The following CPQ variants were observed in gnomAD, a reference collection of about 807,000 sequenced individuals.
The protein encoded by CPQ is Ser-Met dipeptidase.
CPQ carries 37 observed loss-of-function variants against 45.7 expected under a neutral mutation model. That is an observed-to-expected ratio of 0.81 (90% confidence interval 0.62 to 1.07). The LOEUF (loss-of-function observed/expected upper bound fraction) is 1.07, where lower values mean the gene tolerates loss of function less well. Ranked by LOEUF, CPQ falls within the 50% of genes least tolerant of loss-of-function variation. The probability of loss-of-function intolerance (pLI) is 0.00; values close to 1 mark genes in which losing one functional copy is unlikely to be tolerated. For missense variants in CPQ, 537 were observed against 572.9 expected (o/e 0.94, Z 0.64); for synonymous variants, 186 against 205.8 (o/e 0.90, Z 0.82).
intron 3 of CPQ, among the ~76,000 whole-genome samples, chr8:96,852,238 T>C (rs898943835): frequency 1.2e-4 from 18 of 152,192 alleles, no homozygotes; most frequent in Non-Finnish European, 1.8e-4. Context: ...AAAAAGTGCA[T>C]TGGTCATGCT....
intron 5 of CPQ, among the ~76,000 whole-genome samples, chr8:96,987,881 T>G (rs1809018373): frequency 6.6e-6 from 1 of 152,216 alleles, no homozygotes; most frequent in African/African-American, 2.4e-5. Context: ...TTCATAATTC[T>G]CCAAGTACTA....
chr8:96,705,608 T>C (rs1809522058), intron 1 of CPQ, among the ~76,000 whole-genome samples: 1 of 152,114 alleles, frequency 6.6e-6, no homozygotes, highest in Non-Finnish European at 1.5e-5. Flanking sequence ...TGCTAAAAGT[T>C]ATTTCCAGAA....
chr8:96,861,930 ACAACT>A lies in CPQ; in HGVS notation c.642-17865_642-17861del, dbSNP rs1399643716. On this transcript the variant is annotated intron_variant, in intron 3 of 7. Transcript: ENST00000220763. ...ATACAGGTAGAGGGAGAAAGCACAA[ACAACT>A]CAGAGAAACTTTCTTGAAGGAGATA... Among the ~76,000 whole-genome samples, 2 of 152,218 alleles carry A rather than the reference ACAACT, an allele frequency of 1.3e-5. 1 individual carries two copies. Among genetic ancestry groups the A allele is most frequent in the East Asian group, 3.9e-4 (2 of 5,164 alleles).
chr8:96,738,705 G>T (rs1810031756), intron 1 of CPQ, among the ~76,000 whole-genome samples: 1 of 152,126 alleles, frequency 6.6e-6, no homozygotes, highest in Admixed American at 6.5e-5. Context: ...GTGAGAATAT[G>T]CAGTGTTTGG....
chr8:96,883,195 G>A (rs559563989), intron 4 of CPQ, among the ~76,000 whole-genome samples: 1 of 152,128 alleles, frequency 6.6e-6, no homozygotes, highest in Non-Finnish European at 1.5e-5. Flanking sequence ...TATGTGGGTG[G>A]TTTCTAGTTT....
At chr8:96,743,960 C>T (rs1193973536) in intron 1 of CPQ, among the ~76,000 whole-genome samples, 10 of 152,220 alleles carry the variant, frequency 6.6e-5, no homozygotes, top group Admixed American at 1.3e-4. Context: ...AGAGGTGGAG[C>T]CTACAGAGGC....
At chr8:96,896,823 G>A (rs1332510171) in intron 4 of CPQ, among the ~76,000 whole-genome samples, 1 of 152,158 alleles carries the variant, frequency 6.6e-6, no homozygotes, top group African/African-American at 2.4e-5. Flanking sequence ...ACATGAATGA[G>A]CTAATGAATG....
At chr8:96,746,200 G>A (rs1810178538) in intron 1 of CPQ, among the ~76,000 whole-genome samples, 1 of 152,194 alleles carries the variant, frequency 6.6e-6, no homozygotes, top group East Asian at 1.9e-4. Context: ...GTGTATAAGT[G>A]CAGTGTAAGG....
chr8:96,734,790 C>A (rs1809959574), intron 1 of CPQ, among the ~76,000 whole-genome samples: 1 of 151,840 alleles, frequency 6.6e-6, no homozygotes, highest in Admixed American at 6.6e-5. Flanking sequence ...TGACAACTTC[C>A]CAGGCTTTTA....
chr8:97,042,433 C>T (rs1810145941), intron 6 of CPQ, among the ~76,000 whole-genome samples: 1 of 152,088 alleles, frequency 6.6e-6, no homozygotes, highest in South Asian at 2.1e-4. Context: ...TTTCAAAAAA[C>T]CAGCTCCTGG....
chr8:97,009,754 G>A (rs1242278958), intron 5 of CPQ, among the ~76,000 whole-genome samples: 3 of 152,140 alleles, frequency 2.0e-5, no homozygotes, highest in African/African-American at 7.2e-5. Flanking sequence ...AGGGAGTAAC[G>A]AGTGGTAAGT....
intron 7 of CPQ, among the ~76,000 whole-genome samples, chr8:97,122,931 TAAAA>T (rs1811740882): frequency 1.0e-4 from 3 of 29,192 alleles, no homozygotes; most frequent in South Asian, 2.5e-3. Flanking sequence ...ATAAAATAAA[TAAAA>T]TAAAATAAAA....
intron 2 of CPQ, among the ~76,000 whole-genome samples, chr8:96,829,466 A>C (rs1464654572): frequency 6.6e-6 from 1 of 152,104 alleles, no homozygotes; most frequent in Non-Finnish European, 1.5e-5. Flanking sequence ...TGGAATTCAC[A>C]GAATGAAGAT....
At chr8:97,075,940 A>C (rs1430239075) in intron 7 of CPQ, among the ~76,000 whole-genome samples, 1 of 152,234 alleles carries the variant, frequency 6.6e-6, no homozygotes, top group African/African-American at 2.4e-5. Flanking sequence ...CTCCAAAATC[A>C]CATCATTTCA....
intron 6 of CPQ, among the ~76,000 whole-genome samples, chr8:97,034,452 G>GTATTAGCA (rs1289754468): frequency 6.6e-6 from 1 of 152,030 alleles, no homozygotes; most frequent in Non-Finnish European, 1.5e-5. Flanking sequence ...GATTGTCTTG[G>GTATTAGCA]TATTAGCACA....
chr8:96,693,224 G>C (rs1226594340), intron 1 of CPQ, among the ~76,000 whole-genome samples: 1 of 151,664 alleles, frequency 6.6e-6, no homozygotes, highest in Non-Finnish European at 1.5e-5. Flanking sequence ...AAATCCAAGA[G>C]TTATTAGCCT....
intron 5 of CPQ, 132 bp from the exon 6 acceptor site, chr8:97,029,271 C>A: frequency 2.4e-6 from 2 of 821,690 alleles, no homozygotes; most frequent in Admixed American, 4.8e-5. Flanking sequence ...CTGAAGGAGA[C>A]AACCACACCA....
chr8:97,070,501 T>A (rs1810721633), intron 7 of CPQ, among the ~76,000 whole-genome samples: 1 of 152,104 alleles, frequency 6.6e-6, no homozygotes, highest in South Asian at 2.1e-4. Context: ...ACAAAAACAT[T>A]GAAATAATTA....
At chr8:96,722,560 A>G (rs1268407338) in intron 1 of CPQ, among the ~76,000 whole-genome samples, 6 of 152,206 alleles carry the variant, frequency 3.9e-5, no homozygotes, top group Non-Finnish European at 7.3e-5. Flanking sequence ...ACTGGTCTAC[A>G]TGAAGTTTCC....
Sources: gnomAD v4.1 joint callset for allele counts (sites outside exome capture counted in the v4.1 genomes callset) on GRCh38, gnomAD v4.1.1 for gene constraint, MANE v1.5 for transcripts, NCBI Gene and HGNC (gene_info 2026-07-23, HGNC 2026-07-21) for gene names.